Variants in INTS6 observed in about 807,000 individuals in gnomAD.
The protein encoded by INTS6 is integrator complex subunit 6, also known as DEAD box protein.
In INTS6, 16 loss-of-function variants were observed where a neutral mutation model predicts 104.9. That is an observed-to-expected ratio of 0.15 (90% CI 0.10 to 0.23). The LOEUF (loss-of-function observed/expected upper bound fraction) is 0.23. Among genes scored for constraint, INTS6 ranks in the 10% least tolerant of loss-of-function variants. The probability of loss-of-function intolerance (pLI) is 1.00; values close to 1 mark genes in which losing one functional copy is unlikely to be tolerated. For missense variants in INTS6, 584 were observed against 1,062.8 expected, an observed-to-expected ratio of 0.55 and a Z score of 6.26; for synonymous variants, 324 against 358.7, an observed-to-expected ratio of 0.90 and a Z score of 1.09.
At chr13:51,382,297 A>C (rs1381850090) in intron 9 of INTS6, among the ~76,000 whole-genome samples, 174 bp from the exon 10 acceptor site, 2 of 152,252 alleles carry the variant, frequency 1.3e-5, no homozygotes, top group African/African-American at 4.8e-5. Context: ...TAAAATGAAA[A>C]GATGCCAATT....
At chr13:51,447,416 A>T (rs1952940208) in intron 3 of INTS6, 1 of 152,230 alleles carries the variant, frequency 6.6e-6, no homozygotes. Flanking sequence ...CAAAAATAAA[A>T]TTGGTTAAAA....
At chr13:51,399,531 T>C (rs1212099689) in intron 4 of INTS6, among the ~76,000 whole-genome samples, 1 of 152,244 alleles carries the variant, frequency 6.6e-6, no homozygotes, top group Non-Finnish European at 1.5e-5. Context: ...GTTGAGTATA[T>C]ACCTAGTTGT....
rs570305842 is a variant in INTS6, at chr13:51,365,506, G to C, written c.*246C>G. On this transcript the variant is annotated 3_prime_UTR_variant, in exon 18 of 18. Coordinates refer to ENST00000311234, the MANE Select transcript of INTS6 (RefSeq NM_012141.3). ...AGAGTCAATGACAAGCAAGAGATTT[G>C]GAGGAATATTTTTAGTTTGTTAAAT... The C allele has an allele frequency of 2.2e-5, 5 of 227,730 alleles. No individual in the cohort carries two copies. Among genetic ancestry groups the C allele is most frequent in the Non-Finnish European group, 8.7e-6 (1 of 114,744 alleles). The allele number at this position is 227,730 out of a possible 1,614,324, so 14.1% of individuals were successfully genotyped here.
In INTS6 at chr13:51,375,754, T is replaced by TGTGTGG. The variant is rs1330583541; in HGVS notation, c.1729+293_1729+294insCCACAC. ...AAGTGGGTGTGTGTGTGTGTGTGTGTGTGTGTGTGTGTGCGCGCGCGTGCG... is the reference window on the plus strand; with the variant it reads ...AAGTGGGTGTGTGTGTGTGTGTGTGTGTGTGGGTGTGTGTGTGTGCGCGCGCGTGCG... On this transcript the variant is annotated intron_variant, in intron 13 of 17. Coordinates refer to ENST00000311234, the MANE Select transcript of INTS6 (RefSeq NM_012141.3). 1.2e-3 allele frequency among the ~76,000 whole-genome samples: 187 copies of TGTGTGG among 151,594 alleles called. 1 individual carries two copies. The highest frequency in any genetic ancestry group is 4.4e-3 in the African/African-American group (181 of 41,074).
rs1444362709 is a variant in INTS6, at chr13:51,361,856, T to C, written c.*3896A>G. 1 of 1,611,660 alleles carries C rather than the reference T, an allele frequency of 6.2e-7. No homozygotes were observed. The highest frequency in any genetic ancestry group is 8.5e-7 in the Non-Finnish European group (1 of 1,178,652). On this transcript the variant is annotated 3_prime_UTR_variant, in exon 18 of 18. Coordinates refer to ENST00000311234, the MANE Select transcript of INTS6 (RefSeq NM_012141.3). ...CTCGGATTCCTATTTTTAAAGCAGA[T>C]CGGCCATTCATCTATTTCCTGAGAG...
intron 3 of INTS6, chr13:51,450,450 C>T: frequency 1.0e-6 from 1 of 985,384 alleles, no homozygotes; most frequent in East Asian, 1.1e-4. Flanking sequence ...TAAATCAAAA[C>T]TCTGGGCCTG....
rs992517308 is a variant in INTS6, at chr13:51,445,160, A to G, written c.339+5865T>C. 9.2e-5 allele frequency: 14 copies of G among 152,196 alleles called. 1 individual carries two copies. The highest frequency in any genetic ancestry group is 5.9e-4 in the Admixed American group (9 of 15,292). The allele number at this position is 152,196 out of a possible 1,614,324, so 9.4% of individuals were successfully genotyped here. ...ATCCTAAGGCATGTGCTTTTTTCAC[A>G]TAAGTATTCTTGCAAAAGAATGACT... On this transcript the variant is annotated intron_variant, in intron 3 of 17. Coordinates refer to ENST00000311234, the MANE Select transcript of INTS6 (RefSeq NM_012141.3).
chr13:51,427,896 CA>C (rs1269946031), intron 4 of INTS6, among the ~76,000 whole-genome samples: 3 of 152,156 alleles, frequency 2.0e-5, no homozygotes, highest in Non-Finnish European at 4.4e-5. Flanking sequence ...AAGGTAGTTT[CA>C]GGTTATAAAC....
the INTS6 span, chr13:51,344,175 G>C: frequency 9.8e-7 from 1 of 1,015,882 alleles, no homozygotes. Flanking sequence ...CCATCTCAAT[G>C]CAATGTGTGC....
rs372836328 is a variant in INTS6 at position 51,378,353 on chromosome 13, T to C, written c.1488A>G (p.Ala496=). Residue 496 remains alanine, a synonymous_variant, in exon 12 of 18, where the codon GCA becomes GCG. Coordinates refer to ENST00000311234, the MANE Select transcript of INTS6 (RefSeq NM_012141.3). Reference sequence around the variant, plus strand: ...GGAGTTGTTGAAAATCTTTCCTATATGCCATTGATAAACCATGTGATCGGC... The same window carrying C: ...GGAGTTGTTGAAAATCTTTCCTATACGCCATTGATAAACCATGTGATCGGC... ...VRSRSHGLSM[A]YRKDFQQLLQ... is the part of the protein sequence containing the mutation. 2.4e-5 allele frequency: 38 copies of C among 1,613,506 alleles called. No homozygotes were observed. The highest frequency in any genetic ancestry group is 3.2e-5 in the Non-Finnish European group (38 of 1,179,486).
chr13:51,407,245 T>C (rs1956586500), intron 4 of INTS6, among the ~76,000 whole-genome samples: 1 of 152,220 alleles, frequency 6.6e-6, no homozygotes, highest in African/African-American at 2.4e-5. Context: ...TCCTCCATCC[T>C]GTCTGGTTCA....
At chr13:51,389,210 A>T in intron 6 of INTS6, 109 bp downstream of exon 6, 1 of 1,088,114 alleles carries the variant, frequency 9.2e-7, no homozygotes, top group Non-Finnish European at 1.3e-6. Context: ...TTTCTGTCTT[A>T]ATAATTTGGC....
chr13:51,449,518 AAT>A, intron 3 of INTS6: 1 of 985,304 alleles, frequency 1.0e-6, no homozygotes, highest in Non-Finnish European at 1.2e-6. Context: ...ATAGGAGGTG[AAT>A]ATGTCCAAAT....
chr13:51,344,868 C>T, the INTS6 span, among the ~76,000 whole-genome samples: 1 of 151,820 alleles, frequency 6.6e-6, no homozygotes, highest in African/African-American at 2.4e-5. Context: ...CAAAGTGCAA[C>T]AGGAGCCAAA....
chr13:51,352,246 A>ATTC (rs1955411044), downstream of INTS6, among the ~76,000 whole-genome samples: 1 of 152,052 alleles, frequency 6.6e-6, no homozygotes, highest in Non-Finnish European at 1.5e-5. Flanking sequence ...TGAACTCAGA[A>ATTC]TATCTTTCCT....
downstream of INTS6, among the ~76,000 whole-genome samples, chr13:51,351,607 C>G (rs1023002590): frequency 6.6e-6 from 1 of 151,936 alleles, no homozygotes; most frequent in Non-Finnish European, 1.5e-5. Flanking sequence ...CAATGGTGTC[C>G]TTTGAAGCAC....
the INTS6 span, chr13:51,348,519 G>A: frequency 1.2e-6 from 1 of 846,878 alleles, no homozygotes; most frequent in Non-Finnish European, 1.8e-6. Context: ...CCACTGGGAT[G>A]ACTTGTTTAA....
chr13:51,447,733 GAAAAAAAAAAAAA>G (rs940260743), intron 3 of INTS6: 2 of 55,478 alleles, frequency 3.6e-5, no homozygotes, highest in Non-Finnish European at 6.7e-5. Context: ...ATAATTTACT[GAAAAAAAAAAAAA>G]AAAAAAAAAA....
chr13:51,338,934 C>G, the INTS6 span, among the ~76,000 whole-genome samples: 2 of 152,220 alleles, frequency 1.3e-5, no homozygotes, highest in Non-Finnish European at 2.9e-5. Flanking sequence ...AAGCTACCAT[C>G]TATTTTGAAC....
Sources: gnomAD v4.1 joint callset for allele counts (sites outside exome capture counted in the v4.1 genomes callset) on GRCh38, gnomAD v4.1.1 for gene constraint, MANE v1.5 for transcripts, NCBI Gene and HGNC (gene_info 2026-07-23, HGNC 2026-07-21) for gene names.